Variants in AFF2 observed in about 807,000 individuals in gnomAD.
AFF2 encodes ALF transcription elongation factor 2.
Under a neutral mutation model 76.9 loss-of-function variants are expected in AFF2, and 14 were observed. That is an observed-to-expected ratio of 0.18 (90% CI 0.12 to 0.28). The LOEUF (loss-of-function observed/expected upper bound fraction) is 0.28, where lower values mean the gene tolerates loss of function less well. Ranked by LOEUF, AFF2 falls within the 10% of genes least tolerant of loss-of-function variation. The pLI is 1.00. For missense variants in AFF2, 868 were observed against 1,001.1 expected, an observed-to-expected ratio of 0.87 and a Z score of 1.79; for synonymous variants, 398 against 366.7, an observed-to-expected ratio of 1.09 and a Z score of -0.98.
chrX:148,939,198 C>T (rs782492093), intron 9 of AFF2, among the ~76,000 whole-genome samples: 5 of 111,405 alleles, frequency 4.5e-5, no homozygotes, highest in East Asian at 5.6e-4. Context: ...TATATAAAAA[C>T]GATCATTTAT....
chrX:148,607,419 A>T (rs781980729), intron 1 of AFF2, among the ~76,000 whole-genome samples: 1 of 110,623 alleles, frequency 9.0e-6, no homozygotes, highest in Non-Finnish European at 1.9e-5. Context: ...GTCTTACAAG[A>T]TCTCATGGTT....
At chrX:148,740,642 T>C (rs2124563411) in intron 3 of AFF2, among the ~76,000 whole-genome samples, 1 of 112,338 alleles carries the variant, frequency 8.9e-6, no homozygotes, top group Admixed American at 9.4e-5. Flanking sequence ...TGAATTCTTT[T>C]TCAGGTAAAT....
intron 1 of AFF2, among the ~76,000 whole-genome samples, chrX:148,509,135 A>G (rs191946410): frequency 2.7e-5 from 3 of 112,028 alleles, no homozygotes; most frequent in Non-Finnish European, 5.6e-5. Context: ...CTGGCCTCAC[A>G]GAATTTACAT....
chrX:148,902,518 G>T (rs1035731127), intron 8 of AFF2, among the ~76,000 whole-genome samples: 1 of 111,710 alleles, frequency 9.0e-6, no homozygotes, highest in Non-Finnish European at 1.9e-5. Context: ...GTACAGACTG[G>T]GTCCTGCTGC....
At chrX:148,537,991 A>G (rs1557236851) in intron 1 of AFF2, among the ~76,000 whole-genome samples, 2 of 112,064 alleles carry the variant, frequency 1.8e-5, no homozygotes, top group Non-Finnish European at 3.8e-5. Context: ...GGTACTTTGT[A>G]ATGAAGCAAG....
intron 1 of AFF2, among the ~76,000 whole-genome samples, chrX:148,610,004 G>A (rs1293761554): frequency 1.8e-5 from 2 of 111,586 alleles, no homozygotes; most frequent in African/African-American, 3.3e-5. Flanking sequence ...GCACTTCCTG[G>A]TCTCCACTAC....
intron 9 of AFF2, among the ~76,000 whole-genome samples, chrX:148,936,036 CT>C (rs1290164144): frequency 3.6e-5 from 4 of 110,956 alleles, no homozygotes; most frequent in Non-Finnish European, 7.6e-5. Context: ...TAAATATGTA[CT>C]TTTTTTGACT....
Position 148,662,304 on chromosome X carries a change from C to A in AFF2, c.577C>A (p.Leu193Met). The A allele has an allele frequency of 8.3e-7, 1 of 1,212,048 alleles. No homozygotes were observed. The highest frequency in any genetic ancestry group is 1.1e-6 in the Non-Finnish European group (1 of 895,581). Reference protein sequence around the residue: ...TLTQDQSQAKLEDFFVYPAEQ... With the variant: ...TLTQDQSQAKMEDFFVYPAEQ... Reference sequence around the variant, plus strand: ...GACACAGGACCAGTCTCAAGCCAAACTGGAAGACTTCTTTGTCTACCCAGC... The same window carrying A: ...GACACAGGACCAGTCTCAAGCCAAAATGGAAGACTTCTTTGTCTACCCAGC... The change falls in exon 3 of 21, where the codon CTG (leucine) becomes ATG (methionine). Residue 193 changes from leucine (L) to methionine (M), a missense_variant. Transcript: ENST00000370460.
intron 1 of AFF2, among the ~76,000 whole-genome samples, chrX:148,502,260 A>G (rs1603221186): frequency 8.9e-6 from 1 of 112,004 alleles, no homozygotes; most frequent in East Asian, 2.8e-4. Context: ...AATAGTGCGA[A>G]ATCTTTTGCA....
At chrX:148,886,016 T>A in intron 8 of AFF2, 31 bp downstream of exon 8, 1 of 1,085,233 alleles carries the variant, frequency 9.2e-7, no homozygotes, top group Non-Finnish European at 1.3e-6. Context: ...TGTTTTGGGA[T>A]GAAGGGGGGA....
intron 3 of AFF2, among the ~76,000 whole-genome samples, chrX:148,778,547 G>T (rs782530554): frequency 9.0e-6 from 1 of 111,250 alleles, no homozygotes; most frequent in Non-Finnish European, 1.9e-5. Context: ...TTCAGAATTT[G>T]TTATTGGTCT....
intron 7 of AFF2, among the ~76,000 whole-genome samples, chrX:148,855,806 C>T (rs781977653): frequency 2.7e-5 from 3 of 111,901 alleles, no homozygotes; most frequent in African/African-American, 9.7e-5. Context: ...TCAGTTTCCT[C>T]ATCTGTAAAA....
intron 3 of AFF2, among the ~76,000 whole-genome samples, chrX:148,801,914 T>C (rs181278502): frequency 7.9e-4 from 88 of 111,601 alleles, no homozygotes; most frequent in Non-Finnish European, 1.3e-3. Context: ...ACCATGCTGC[T>C]GAAACAGCTA....
At chrX:148,722,845 C>T (rs1210218624) in intron 3 of AFF2, among the ~76,000 whole-genome samples, 4 of 111,131 alleles carry the variant, frequency 3.6e-5, no homozygotes, top group African/African-American at 1.3e-4. Context: ...CCTTTGTATA[C>T]CCCAGTCCTC....
chrX:148,761,956 TATATAGATATAGATATAGATATAG>T (rs56137519), intron 3 of AFF2, among the ~76,000 whole-genome samples: 1,295 of 99,581 alleles, frequency 0.013, 18 homozygotes, highest in African/African-American at 0.044. Flanking sequence ...TGTATGTGTG[TATATAGATATAGATATAGATATAG>T]ATATAGATAT....
intron 3 of AFF2, among the ~76,000 whole-genome samples, chrX:148,750,720 G>A (rs1557266430): frequency 8.9e-6 from 1 of 112,067 alleles, no homozygotes; most frequent in Non-Finnish European, 1.9e-5. Flanking sequence ...GTTAAATGAA[G>A]TGTAATATTT....
chrX:148,579,751 A>G (rs1156248008), intron 1 of AFF2, among the ~76,000 whole-genome samples: 1 of 111,912 alleles, frequency 8.9e-6, no homozygotes, highest in Non-Finnish European at 1.9e-5. Context: ...CTGTGACTGG[A>G]AAACTCGTCA....
intron 3 of AFF2, among the ~76,000 whole-genome samples, chrX:148,773,748 G>GAA (rs1557268331): frequency 4.3e-5 from 4 of 91,957 alleles, no homozygotes; most frequent in African/African-American, 8.0e-5. Flanking sequence ...GAAAGAAAGA[G>GAA]AAAGAAAGAA....
chrX:148,845,855 CACTT>C lies in AFF2; in HGVS notation c.1262+2424_1262+2427del, dbSNP rs2070660711. Among the ~76,000 whole-genome samples the C allele has an allele frequency of 2.7e-5, 3 of 112,078 alleles. No homozygotes were observed. The East Asian group carries it at 8.5e-4, about 32-fold the overall frequency. ...GAAAGTGTCCCAAGCACACTCCTGA[CACTT>C]AGTGCAGTAAAGAGAGATTAGAGTC... On this transcript the variant is annotated intron_variant, in intron 7 of 20. Coordinates refer to ENST00000370460, the MANE Select transcript of AFF2 (RefSeq NM_002025.4).
Sources: gnomAD v4.1 joint callset for allele counts (sites outside exome capture counted in the v4.1 genomes callset) on GRCh38, gnomAD v4.1.1 for gene constraint, MANE v1.5 for transcripts, NCBI Gene and HGNC (gene_info 2026-07-23, HGNC 2026-07-21) for gene names.